MDN1: variants seen among roughly 807,000 people sequenced by gnomAD.
MDN1 encodes midasin.
MDN1 carries 266 observed loss-of-function variants against 669.2 expected under a neutral mutation model. That is an observed-to-expected ratio of 0.40 (90% CI 0.36 to 0.44). The LOEUF is 0.44. Ranked by LOEUF, MDN1 falls within the 20% of genes least tolerant of loss-of-function variation. The probability of loss-of-function intolerance (pLI) is 1.00; values close to 1 mark genes in which losing one functional copy is unlikely to be tolerated. For missense variants in MDN1, 5,940 were observed against 6,754.0 expected (o/e 0.88, Z 4.22); for synonymous variants, 2,385 against 2,457.1 (o/e 0.97, Z 0.87).
At position 89,725,353 on chromosome 6, in the gene MDN1, C is replaced by A. The variant is rs774259511; in HGVS notation, c.5516G>T (p.Cys1839Phe). Residue 1839 changes from cysteine to phenylalanine, a missense_variant, in exon 38 of 102, where the codon TGT becomes TTT. Transcript: ENST00000369393. Reference sequence around the variant, plus strand: ...ATAGATTTCTCCTCGGTGGTCAAAACAAGCATTGAGTCCTTCCAATACAGA... The same window carrying A: ...ATAGATTTCTCCTCGGTGGTCAAAAAAAGCATTGAGTCCTTCCAATACAGA... Reference protein sequence around the residue: ...SQSVLEGLNACFDHRGEIYVP... With the variant: ...SQSVLEGLNAFFDHRGEIYVP... 3.1e-6 allele frequency: 5 copies of A among 1,613,854 alleles called. No individual in the cohort carries two copies. The highest frequency in any genetic ancestry group is 1.3e-5 in the African/African-American group (1 of 74,860).
chr6:89,764,558 T>C (rs1020248692), intron 15 of MDN1, among the ~76,000 whole-genome samples: 6 of 152,312 alleles, frequency 3.9e-5, no homozygotes, highest in African/African-American at 9.6e-5. Context: ...TTAAGTGCTA[T>C]GAACATAATG....
At chr6:89,782,839 G>A (rs1286923657) in intron 9 of MDN1, among the ~76,000 whole-genome samples, 2 of 152,080 alleles carry the variant, frequency 1.3e-5, no homozygotes, top group African/African-American at 4.8e-5. Context: ...CCCAAATGGA[G>A]GGACCAGCTG....
At chr6:89,680,044 T>G (rs1179748598) in intron 74 of MDN1, among the ~76,000 whole-genome samples, 1 of 152,182 alleles carries the variant, frequency 6.6e-6, no homozygotes, top group Non-Finnish European at 1.5e-5. Flanking sequence ...GGGGGGTAGA[T>G]GGGGTGAAGG....
chr6:89,794,341 A>T (rs1819455278), intron 3 of MDN1, 134 bp from the exon 4 acceptor site: 1 of 663,698 alleles, frequency 1.5e-6, no homozygotes, highest in African/African-American at 1.8e-5. Flanking sequence ...AGAAAATACA[A>T]ATCAGGCACA....
rs765252369 is a variant in MDN1 at position 89,772,676 on chromosome 6, G to T, written c.1980C>A (p.Ile660=). 1.9e-6 allele frequency: 3 copies of T among 1,613,940 alleles called. No homozygotes were observed. Among genetic ancestry groups the T allele is most frequent in the Admixed American group, 1.7e-5 (1 of 59,990 alleles). Residue 660 remains isoleucine (I), a synonymous_variant, in exon 14 of 102, where the codon ATC becomes ATA. Transcript: ENST00000369393. ...TGCTGACACACACTGCAAGCTGCTCGATGAGAACAGAGGACGGCCGTGTAG... is the reference window on the plus strand; with the variant it reads ...TGCTGACACACACTGCAAGCTGCTCTATGAGAACAGAGGACGGCCGTGTAG... ...FAATRPSSVL[I]EQLAVCVSKG...
Position 89,762,521 on chromosome 6 carries a change from C to A in MDN1, c.2154G>T (p.Pro718=), listed in dbSNP as rs527741590. Residue 718 remains proline (P), a synonymous_variant, in exon 16 of 102, where the codon CCG becomes CCT. Coordinates refer to ENST00000369393, the MANE Select transcript of MDN1 (RefSeq NM_014611.3). The stretch of plus-strand genomic sequence containing the variant: ...GTAGCCAAATAAGCTTATGGTCCAC[C>A]GGTTTATAACTGAAACAGACACAGG... ...DTADLLGGYK[P]VDHKLIWLPL... is the part of the protein sequence containing the mutation. 1 of 1,609,612 alleles carries A rather than the reference C, an allele frequency of 6.2e-7. No individual in the cohort carries two copies. Among genetic ancestry groups the A allele is most frequent in the South Asian group, 1.1e-5 (1 of 90,690 alleles).
At chr6:89,681,294 C>T (rs1316104014) in intron 73 of MDN1, among the ~76,000 whole-genome samples, 2 of 152,150 alleles carry the variant, frequency 1.3e-5, no homozygotes, top group Non-Finnish European at 2.9e-5. Flanking sequence ...GTGCCTCAGC[C>T]TCCCGAATAG....
chr6:89,657,383 C>A (rs1018553910), intron 90 of MDN1, among the ~76,000 whole-genome samples: 2 of 152,198 alleles, frequency 1.3e-5, no homozygotes, highest in African/African-American at 2.4e-5. Context: ...ACCACTGTAA[C>A]CAGCAGGTCC....
At chr6:89,740,990 G>C (rs549196174) in intron 31 of MDN1, among the ~76,000 whole-genome samples, 15 of 152,230 alleles carry the variant, frequency 9.9e-5, no homozygotes, top group Non-Finnish European at 1.3e-4. Context: ...CCAGCACTTT[G>C]GAAGGCCAAG....
rs545351225 is a variant in MDN1, at chr6:89,800,169, TGTAATCCC to T, written c.329+3151_329+3158del. ...CAGGCCGGGCACGGTGGCTCACACC[TGTAATCCC>T]AGGACTTTGGGAGGCCTAGGAGGGC... On this transcript the variant is annotated intron_variant, in intron 2 of 101. Transcript: ENST00000369393. Among the ~76,000 whole-genome samples the T allele has an allele frequency of 2.1e-3, 321 of 152,186 alleles. 4 individuals are homozygous for T. Among genetic ancestry groups the T allele is most frequent in the Admixed American group, 0.018 (269 of 15,274 alleles).
At chr6:89,719,109 G>A (rs766704561) in intron 41 of MDN1, 27 bp downstream of exon 41, 4 of 1,611,706 alleles carry the variant, frequency 2.5e-6, no homozygotes, top group Non-Finnish European at 3.4e-6. Context: ...AATGTCAAAG[G>A]ATAGAGGATT....
rs1377914660 is a variant in MDN1 at position 89,668,028 on chromosome 6, C to T, written c.14080G>A (p.Gly4694Arg). ...EGMKDVSDQI[G>R]NEEQVEDTFQ... Reference sequence around the variant, plus strand: ...TGAAAACGTACCTGTTCTTCATTTCCGATCTGGTCACTCACATCCTTCATG... The same window carrying T: ...TGAAAACGTACCTGTTCTTCATTTCTGATCTGGTCACTCACATCCTTCATG... The change falls in exon 84 of 102, where the codon GGA (glycine) becomes AGA (arginine). Residue 4694 changes from glycine (G) to arginine (R), a missense_variant. This residue lies in a region of MDN1 where 2,280 missense variants were observed against 2,576.3 expected (regional missense o/e 0.88). Coordinates refer to ENST00000369393, the MANE Select transcript of MDN1 (RefSeq NM_014611.3). 10 of 1,613,728 alleles carry T rather than the reference C, an allele frequency of 6.2e-6. No individual in the cohort carries two copies. Among genetic ancestry groups the T allele is most frequent in the Admixed American group, 1.7e-5 (1 of 59,978 alleles).
In MDN1 at chr6:89,816,889, T is replaced by C. The variant is rs537276145; in HGVS notation, c.102+2617A>G. Among the ~76,000 whole-genome samples, 9 of 152,000 alleles carry C rather than the reference T, an allele frequency of 5.9e-5. No individual in the cohort carries two copies. In the South Asian group the frequency reaches 6.2e-4, roughly 11 times the overall value. Reference sequence around the variant, plus strand: ...CAGGGTTTCACCATGTTAGCCAGAATGATGTCGATCTCCTGAGCTTGTGAT... The same window carrying C: ...CAGGGTTTCACCATGTTAGCCAGAACGATGTCGATCTCCTGAGCTTGTGAT... On this transcript the variant is annotated intron_variant, in intron 1 of 101. Coordinates refer to ENST00000369393, the MANE Select transcript of MDN1 (RefSeq NM_014611.3).
At chr6:89,670,155 TATATATA>T (rs1810575818) in intron 83 of MDN1, among the ~76,000 whole-genome samples, 3 of 23,106 alleles carry the variant, frequency 1.3e-4, no homozygotes, top group East Asian at 4.2e-3. Flanking sequence ...TATATATATA[TATATATA>T]TATATATATT....
chr6:89,754,891 C>T (rs1817158884), intron 20 of MDN1, among the ~76,000 whole-genome samples: 3 of 152,100 alleles, frequency 2.0e-5, no homozygotes, highest in African/African-American at 7.2e-5. Context: ...TGCTACCTAA[C>T]AAAATATTTT....
chr6:89,787,973 AC>A lies in MDN1; in HGVS notation c.1231-17del. ...GCACAGAAACCTAAATCAGATAACA[AC>A]AACCGCACTGATAAAGTAAAGCTAT... On this transcript the variant is annotated splice_polypyrimidine_tract_variant and intron_variant, in intron 7 of 101. Transcript: ENST00000369393. The A allele has an allele frequency of 1.9e-6, 3 of 1,573,214 alleles. No individual in the cohort carries two copies. Among genetic ancestry groups the A allele is most frequent in the Non-Finnish European group, 2.6e-6 (3 of 1,145,890 alleles).
rs1368613563 is a variant in MDN1 at position 89,793,786 on chromosome 6, C to G, written c.831G>C (p.Gly277=). The G allele has an allele frequency of 6.2e-7, 1 of 1,613,768 alleles. No individual in the cohort carries two copies. Among genetic ancestry groups the G allele is most frequent in the Non-Finnish European group, 8.5e-7 (1 of 1,179,892 alleles). ...CCAGCTCTCCAGGGGCTGGCAGCTG[C>G]CCAGGCAGCACCACACCACAAACAG... is the stretch of plus-strand genomic sequence containing the variant. The part of the protein sequence containing the change: ...VTAVCGVVLP[G]QLPAPGELGG... Residue 277 remains glycine, a synonymous_variant, in exon 5 of 102, where the codon GGG becomes GGC. Transcript: ENST00000369393.
chr6:89,688,472 T>C, intron 66 of MDN1, 101 bp downstream of exon 66: 4 of 1,015,492 alleles, frequency 3.9e-6, no homozygotes, highest in Non-Finnish European at 5.8e-6. Flanking sequence ...TTTGTTTATA[T>C]GTATATATGT....
At chr6:89,797,287 T>C (rs1470773370) in intron 2 of MDN1, among the ~76,000 whole-genome samples, 1 of 149,474 alleles carries the variant, frequency 6.7e-6, no homozygotes, top group Non-Finnish European at 1.5e-5. Flanking sequence ...GGAGAATCGC[T>C]TGAACCTGGG....
Sources: allele counts gnomAD v4.1 joint callset (sites outside exome capture counted in the v4.1 genomes callset), GRCh38; gene constraint gnomAD v4.1.1; regional missense constraint gnomAD v4.1.1; transcripts MANE v1.5; gene names NCBI Gene and HGNC (gene_info 2026-07-23, HGNC 2026-07-21).